TMEM176B: variants seen among roughly 807,000 people sequenced by gnomAD.
TMEM176B encodes transmembrane protein 176B.
In TMEM176B, 28 loss-of-function variants were observed where a neutral mutation model predicts 30.3. The ratio of observed to expected loss-of-function variants is 0.92; its 90% confidence interval spans 0.68 to 1.27. The LOEUF is 1.27. Among genes scored for constraint, TMEM176B ranks in the 50% most tolerant of loss-of-function variants. The pLI, the probability that TMEM176B is intolerant of heterozygous loss-of-function variation, is 0.00. For missense variants in TMEM176B, 349 were observed against 327.4 expected, an observed-to-expected ratio of 1.07 and a Z score of -0.51; for synonymous variants, 123 against 130.3, an observed-to-expected ratio of 0.94 and a Z score of 0.38.
intron 5 of TMEM176B, among the ~76,000 whole-genome samples, chr7:150,792,573 C>T (rs1393032026): frequency 6.6e-6 from 1 of 152,152 alleles, no homozygotes; most frequent in Non-Finnish European, 1.5e-5. Flanking sequence ...AGTGGAGAAG[C>T]CATTGCCGGC....
In TMEM176B at chr7:150,791,451, CAAGTGTGA is replaced by C; in HGVS notation, c.*72_*79del. The C allele has an allele frequency of 4.2e-6, 5 of 1,194,078 alleles. No individual in the cohort carries two copies. The highest frequency in any genetic ancestry group is 6.1e-6 in the Non-Finnish European group (5 of 823,968). The allele number at this position is 1,194,078 out of a possible 1,614,324, so 74.0% of individuals were successfully genotyped here. A position where few individuals can be genotyped will look rare whatever the true frequency, so the allele number is the denominator to read the frequency against. ...GTCTGGAGAGCGGCCATAGGGGAGG[CAAGTGTGA>C]GGAGCCAGGAGTGGGGGCCCTGGGC... On this transcript the variant is annotated 3_prime_UTR_variant, in exon 7 of 7. Transcript: ENST00000326442.
chr7:150,793,624 G>T (rs1428544038), intron 3 of TMEM176B, 24 bp from the exon 4 acceptor site: 5 of 1,611,026 alleles, frequency 3.1e-6, no homozygotes, highest in East Asian at 4.5e-5. Flanking sequence ...CCAGAAAAAG[G>T]CCTCCAGTTT....
chr7:150,798,615 T>A (rs899066580), intron 1 of TMEM176B, among the ~76,000 whole-genome samples: 3 of 152,092 alleles, frequency 2.0e-5, no homozygotes, highest in African/African-American at 7.2e-5. Context: ...TGTTGCTTTG[T>A]TGCCCAGGGT....
chr7:150,798,879 G>A (rs1320810394), intron 1 of TMEM176B, among the ~76,000 whole-genome samples: 2 of 152,080 alleles, frequency 1.3e-5, no homozygotes, highest in Non-Finnish European at 2.9e-5. Flanking sequence ...ATTACCGTTT[G>A]TGATATGAGT....
At chr7:150,798,004 T>C (rs1172110932) in intron 1 of TMEM176B, among the ~76,000 whole-genome samples, 2 of 152,218 alleles carry the variant, frequency 1.3e-5, no homozygotes, top group African/African-American at 2.4e-5. Context: ...TTTTTCCTTT[T>C]ATATGGGGAA....
rs1798293587 is a variant in TMEM176B, at chr7:150,791,336, T to C, written c.*195A>G. On this transcript the variant is annotated 3_prime_UTR_variant, in exon 7 of 7. Coordinates refer to ENST00000326442, the MANE Select transcript of TMEM176B (RefSeq NM_001101312.2). ...GATTGTTTATTATGTTTAATCAGCATTGTGGAAAATGCAACAATATCTGTT... is the reference window on the plus strand; with the variant it reads ...GATTGTTTATTATGTTTAATCAGCACTGTGGAAAATGCAACAATATCTGTT... 1 of 523,852 alleles carries C rather than the reference T, an allele frequency of 1.9e-6. No individual in the cohort carries two copies. Among genetic ancestry groups the C allele is most frequent in the South Asian group, 3.1e-5 (1 of 32,296 alleles). The allele number at this position is 523,852 out of a possible 1,614,324, so 32.5% of individuals were successfully genotyped here.
chr7:150,792,137 G>T lies in TMEM176B; in HGVS notation c.639C>A (p.Val213=), dbSNP rs769345919. The change falls in exon 6 of 7, where the codon GTC becomes GTA. Residue 213 remains valine (V), a synonymous_variant. Coordinates refer to ENST00000326442, the MANE Select transcript of TMEM176B (RefSeq NM_001101312.2). ...FTAIRALFLA[V]CVLKVIVSLV... ...AGGACACAATGACCTTCAAGACACAGACAGCCAGGAACAGGGCACGGATTG... is the reference window on the plus strand; with the variant it reads ...AGGACACAATGACCTTCAAGACACATACAGCCAGGAACAGGGCACGGATTG... 1 of 1,613,974 alleles carries T rather than the reference G, an allele frequency of 6.2e-7. No individual in the cohort carries two copies. The highest frequency in any genetic ancestry group is 2.2e-5 in the East Asian group (1 of 44,868).
intron 1 of TMEM176B, among the ~76,000 whole-genome samples, chr7:150,797,438 T>C (rs970029075): frequency 6.6e-6 from 1 of 152,184 alleles, no homozygotes; most frequent in African/African-American, 2.4e-5. Context: ...TAGTAAATCA[T>C]GTGCACGTTC....
At chr7:150,799,790 C>T (rs1263402249) in intron 1 of TMEM176B, among the ~76,000 whole-genome samples, 2 of 152,208 alleles carry the variant, frequency 1.3e-5, no homozygotes, top group Admixed American at 6.5e-5. Context: ...CCACCGCTTC[C>T]CCCGCCCCAC....
intron 1 of TMEM176B, among the ~76,000 whole-genome samples, chr7:150,798,899 T>C (rs1315757282): frequency 6.6e-6 from 1 of 152,246 alleles, no homozygotes; most frequent in East Asian, 1.9e-4. Flanking sequence ...TTTCAAATGT[T>C]TCTTTACAAT....
At chr7:150,793,629 C>T (rs2116681603) in intron 3 of TMEM176B, 29 bp from the exon 4 acceptor site, 1 of 1,609,794 alleles carries the variant, frequency 6.2e-7, no homozygotes, top group East Asian at 2.2e-5. Context: ...AAAAGGCCTC[C>T]AGTTTACTCT....
chr7:150,796,263 C>T, intron 2 of TMEM176B, 103 bp downstream of exon 2: 2 of 1,158,966 alleles, frequency 1.7e-6, no homozygotes, highest in Non-Finnish European at 2.5e-6. Flanking sequence ...CAATTCTCTC[C>T]TCCCAAATAA....
Position 150,793,112 on chromosome 7 carries a change from A to G in TMEM176B, c.576T>C (p.Cys192=). The G allele has an allele frequency of 2.5e-6, 4 of 1,614,138 alleles. No individual in the cohort carries two copies. Among genetic ancestry groups the G allele is most frequent in the Non-Finnish European group, 3.4e-6 (4 of 1,180,024 alleles). Reference sequence around the variant, plus strand: ...CCCTCAGCATCTGCATGTAAGCTCTACACTCCTCCTTCTGCCATTGGTTCT... The same window carrying G: ...CCCTCAGCATCTGCATGTAAGCTCTGCACTCCTCCTTCTGCCATTGGTTCT... ...SQENQWQKEE[C]RAYMQMLRKL... The change falls in exon 5 of 7, where the codon TGT becomes TGC. Residue 192 remains cysteine (C), a synonymous_variant. Transcript: ENST00000326442.
In TMEM176B at chr7:150,793,902, C is replaced by T. The variant is rs114670291; in HGVS notation, c.315+59G>A. On this transcript the variant is annotated intron_variant, in intron 3 of 6. Coordinates refer to ENST00000326442, the MANE Select transcript of TMEM176B (RefSeq NM_001101312.2). ...CAAAGCCCCAACCAAGATCCATAAG[C>T]GCCTTCTTGCCCATCACCACTTGCC... is the stretch of plus-strand genomic sequence containing the variant. The T allele has an allele frequency of 4.2e-4, 590 of 1,403,456 alleles. 2 individuals carry two copies. The African/African-American group carries it at 7.5e-3, about 18-fold the overall frequency. The allele number at this position is 1,403,456 out of a possible 1,614,324, so 86.9% of individuals were successfully genotyped here. A position where few individuals can be genotyped will look rare whatever the true frequency, so the allele number is the denominator to read the frequency against.
At chr7:150,795,445 G>T (rs951817043) in intron 2 of TMEM176B, among the ~76,000 whole-genome samples, 1 of 152,030 alleles carries the variant, frequency 6.6e-6, no homozygotes, top group Admixed American at 6.6e-5. Context: ...CTCCATTCAG[G>T]GTTCTCCTGC....
chr7:150,791,917 G>A (rs1191726779), intron 6 of TMEM176B, 139 bp downstream of exon 6: 3 of 1,284,808 alleles, frequency 2.3e-6, no homozygotes, highest in South Asian at 1.4e-5. Context: ...CAGCAAAGGG[G>A]AGAGCTGCAT....
Position 150,792,083 on chromosome 7 carries a change from GT to G in TMEM176B, c.692del (p.Asn231ThrfsTer10). 13 of 1,613,836 alleles carry G rather than the reference GT, an allele frequency of 8.1e-6. No homozygotes were observed. The highest frequency in any genetic ancestry group is 1.1e-5 in the Non-Finnish European group (13 of 1,179,916). On this transcript the variant is annotated frameshift_variant, in exon 6 of 7. Transcript: ENST00000326442. LOFTEE classifies it high-confidence loss of function. The stretch of plus-strand genomic sequence containing the variant: ...GGGGCTGGGAGCTCTGGCCACACAA[GT>G]TTCGAAGACCTACTCCCAAGGAAAC... Reference protein sequence around the residue: ...SLVSLGVGLRNLCGQSSQPLN... With the variant: ...SLVSLGVGLRXLCGQSSQPLN...
Position 150,794,927 on chromosome 7 carries a change from A to AC in TMEM176B, c.205-857dup, listed in dbSNP as rs1312841062. Reference sequence around the variant, plus strand: ...TACTACCACACACACACACACACACACACACACACACACACACACACCTCT... The same window carrying AC: ...TACTACCACACACACACACACACACACCACACACACACACACACACACCTCT... On this transcript the variant is annotated intron_variant, in intron 2 of 6. Coordinates refer to ENST00000326442, the MANE Select transcript of TMEM176B (RefSeq NM_001101312.2). Among the ~76,000 whole-genome samples the AC allele has an allele frequency of 1.0e-3, 157 of 150,994 alleles. 1 individual carries two copies. The highest frequency in any genetic ancestry group is 3.6e-3 in the African/African-American group (148 of 41,158).
intron 1 of TMEM176B, among the ~76,000 whole-genome samples, chr7:150,798,039 T>C (rs1445116817): frequency 2.0e-5 from 3 of 152,240 alleles, no homozygotes; most frequent in Non-Finnish European, 4.4e-5. Context: ...TAATCAATTT[T>C]ATGTAATAAA....
Sources: gnomAD v4.1 joint callset for allele counts (sites outside exome capture counted in the v4.1 genomes callset) on GRCh38, gnomAD v4.1.1 for gene constraint, MANE v1.5 for transcripts, NCBI Gene and HGNC (gene_info 2026-07-23, HGNC 2026-07-21) for gene names.